Variants in ADD2 observed in about 807,000 individuals in gnomAD.
The protein encoded by ADD2 is beta-adducin.
A neutral mutation model predicts 83.0 loss-of-function variants in ADD2; 23 were observed. That is an observed-to-expected ratio of 0.28 (90% confidence interval 0.20 to 0.39). The LOEUF (loss-of-function observed/expected upper bound fraction) is 0.39, where lower values mean the gene tolerates loss of function less well. Among genes scored for constraint, ADD2 ranks in the 10% least tolerant of loss-of-function variants. The probability of loss-of-function intolerance (pLI) is 1.00; values close to 1 mark genes in which losing one functional copy is unlikely to be tolerated. For missense variants in ADD2, 758 were observed against 944.9 expected, an observed-to-expected ratio of 0.80 and a Z score of 2.59; for synonymous variants, 375 against 375.4, an observed-to-expected ratio of 1.00 and a Z score of 0.01.
intron 15 of ADD2, among the ~76,000 whole-genome samples, chr2:70,665,209 A>T (rs1675735754): frequency 6.6e-6 from 1 of 152,164 alleles, no homozygotes; most frequent in African/African-American, 2.4e-5. Flanking sequence ...GTGCACGGTT[A>T]CATGGAGGAT....
intron 3 of ADD2, among the ~76,000 whole-genome samples, chr2:70,705,586 C>G (rs535947478): frequency 2.6e-5 from 4 of 152,194 alleles, no homozygotes; most frequent in African/African-American, 7.2e-5. Context: ...CAGGGCCCAC[C>G]CTTCGGCCTT....
rs1553365364 is a variant in ADD2, at chr2:70,663,247, A to G, written c.*178T>C. ...TGTGTGACCTTGGGCAAGTCACCTG[A>G]TTTCTCTTGGGCAACTGTAAAACGA... On this transcript the variant is annotated 3_prime_UTR_variant, in exon 16 of 16. Transcript: ENST00000264436. The G allele has an allele frequency of 1.4e-6, 1 of 701,988 alleles. No individual in the cohort carries two copies. The highest frequency in any genetic ancestry group is 1.8e-5 in the African/African-American group (1 of 55,646). 43.5% of individuals were successfully genotyped at this position (701,988 alleles called of 1,614,324 possible).
At chr2:70,677,945 C>T in intron 11 of ADD2, 68 bp from the exon 12 acceptor site, 1 of 1,599,844 alleles carries the variant, frequency 6.3e-7, no homozygotes, top group Non-Finnish European at 8.5e-7. Context: ...CAGTGGTCCA[C>T]CCACGAGATC....
chr2:70,668,071 T>A (rs1253009162), intron 15 of ADD2, among the ~76,000 whole-genome samples: 1 of 152,198 alleles, frequency 6.6e-6, no homozygotes, highest in African/African-American at 2.4e-5. Flanking sequence ...GACACCCATC[T>A]TCTCCTGCCC....
intron 15 of ADD2, among the ~76,000 whole-genome samples, chr2:70,667,142 GA>G (rs1338350278): frequency 6.6e-6 from 1 of 152,174 alleles, no homozygotes; most frequent in African/African-American, 2.4e-5. Flanking sequence ...CCTCTTCTAA[GA>G]AGAACCTTTG....
rs1675384212 is a variant in ADD2 at position 70,657,047 on chromosome 2, CA to C, written c.*6377del. The stretch of plus-strand genomic sequence containing the variant: ...TAATATGTGTATATATATAAAATTG[CA>C]AAATAAAAGCCCAAGAAACTAACCA... On this transcript the variant is annotated 3_prime_UTR_variant, in exon 16 of 16. Transcript: ENST00000264436. 6.6e-6 allele frequency: 1 copy of C among 150,954 alleles called. No homozygotes were observed. The highest frequency in any genetic ancestry group is 2.4e-5 in the African/African-American group (1 of 41,022). The allele number at this position is 150,954 out of a possible 1,614,324, so 9.4% of individuals were successfully genotyped here. A position where few individuals can be genotyped will look rare whatever the true frequency, so the allele number is the denominator to read the frequency against.
chr2:70,759,917 A>G (rs1470276902), intron 1 of ADD2, among the ~76,000 whole-genome samples: 1 of 151,942 alleles, frequency 6.6e-6, no homozygotes, highest in Non-Finnish European at 1.5e-5. Flanking sequence ...CACCCCACTG[A>G]CCATACCACA....
intron 9 of ADD2, 65 bp from the exon 10 acceptor site, chr2:70,683,832 C>G (rs1574237831): frequency 2.0e-6 from 3 of 1,520,236 alleles, no homozygotes; most frequent in Non-Finnish European, 2.7e-6. Context: ...TATCTATGCT[C>G]CTGTATGTGA....
At chr2:70,698,916 AT>A (rs1191774950) in intron 4 of ADD2, among the ~76,000 whole-genome samples, 1 of 152,090 alleles carries the variant, frequency 6.6e-6, no homozygotes, top group Non-Finnish European at 1.5e-5. Flanking sequence ...CAAAACCCCA[AT>A]TTCTAAGGCA....
intron 1 of ADD2, among the ~76,000 whole-genome samples, chr2:70,731,169 A>G (rs1189934731): frequency 6.6e-6 from 1 of 152,108 alleles, no homozygotes; most frequent in African/African-American, 2.4e-5. Context: ...TGTAATGGGG[A>G]GCCCTGGACA....
chr2:70,668,628 G>A (rs1669778208), intron 15 of ADD2, among the ~76,000 whole-genome samples: 1 of 152,200 alleles, frequency 6.6e-6, no homozygotes, highest in African/African-American at 2.4e-5. Flanking sequence ...GCCAAGTGAG[G>A]TCAGATGAAG....
At chr2:70,698,251 A>T (rs1339116169) in intron 4 of ADD2, among the ~76,000 whole-genome samples, 1 of 152,224 alleles carries the variant, frequency 6.6e-6, no homozygotes, top group African/African-American at 2.4e-5. Context: ...GGGCCAGAAC[A>T]GGTCTGAAAA....
chr2:70,684,705 A>C (rs1385996630), intron 9 of ADD2, among the ~76,000 whole-genome samples: 1 of 152,214 alleles, frequency 6.6e-6, no homozygotes, highest in African/African-American at 2.4e-5. Context: ...GAGAAAGGAG[A>C]CAGATAAAAT....
chr2:70,710,208 GGCTCTAAGCCAACTGAACTCTCA>G (rs1482692287), intron 2 of ADD2, among the ~76,000 whole-genome samples: 2 of 152,222 alleles, frequency 1.3e-5, no homozygotes, highest in Admixed American at 1.3e-4. Flanking sequence ...TAGGACTCCA[GGCTCTAAGCCAACTGAACTCTCA>G]GCTTCTCTGG....
intron 7 of ADD2, chr2:70,691,743 G>C (rs1671047009): frequency 6.6e-6 from 1 of 152,200 alleles, no homozygotes; most frequent in Admixed American, 6.5e-5. Context: ...TGGAAAGTCT[G>C]AATGCTCACA....
chr2:70,683,649 T>C lies in ADD2; in HGVS notation c.1067A>G (p.Gln356Arg), dbSNP rs2104280195. The C allele has an allele frequency of 1.9e-6, 3 of 1,614,134 alleles. No individual in the cohort carries two copies. Among genetic ancestry groups the C allele is most frequent in the East Asian group, 2.2e-5 (1 of 44,878 alleles). Reference protein sequence around the residue: ...QWAGSTFGPMQKSRLGEHEFE... With the variant: ...QWAGSTFGPMRKSRLGEHEFE... The stretch of plus-strand genomic sequence containing the variant: ...CTCATGCTCCCCCAGCCGACTCTTC[T>C]GCATAGGCCCAAAGGTGCTCCCGGC... The change falls in exon 10 of 16, where the codon CAG becomes CGG. Residue 356 changes from glutamine to arginine, a missense_variant. This residue lies in a region of ADD2 where 394 missense variants were observed against 509.3 expected (regional missense o/e 0.77). Transcript: ENST00000264436.
At position 70,696,227 on chromosome 2, in the gene ADD2, C is replaced by G; in HGVS notation, c.474+18G>C. 7.5e-6 allele frequency: 12 copies of G among 1,606,956 alleles called. No individual in the cohort carries two copies. The highest frequency in any genetic ancestry group is 1.0e-5 in the Non-Finnish European group (12 of 1,176,764). ...ACCACATGCAGTGCCCCACCCAATT[C>G]CAGGGCGTTCTGCTCACCGTGACAT... On this transcript the variant is annotated intron_variant, in intron 5 of 15. Coordinates refer to ENST00000264436, the MANE Select transcript of ADD2 (RefSeq NM_001617.4).
At chr2:70,696,111 C>A (rs1384873352) in intron 5 of ADD2, 134 bp downstream of exon 5, 1 of 1,260,840 alleles carries the variant, frequency 7.9e-7, no homozygotes, top group African/African-American at 1.5e-5. Flanking sequence ...GGTTAAAAAA[C>A]TTGGAAGGGT....
intron 1 of ADD2, among the ~76,000 whole-genome samples, chr2:70,715,746 G>A (rs1390166246): frequency 1.3e-5 from 2 of 151,956 alleles, no homozygotes; most frequent in Non-Finnish European, 2.9e-5. Context: ...ACCACACACC[G>A]CAGCCTCCCC....
Sources: gnomAD v4.1 joint callset for allele counts (sites outside exome capture counted in the v4.1 genomes callset) on GRCh38, gnomAD v4.1.1 for gene constraint, gnomAD v4.1.1 regional missense constraint, MANE v1.5 for transcripts, NCBI Gene and HGNC (gene_info 2026-07-23, HGNC 2026-07-21) for gene names.